The following CPT1A variants were observed in gnomAD, a reference collection of about 807,000 sequenced individuals.
The protein encoded by CPT1A is carnitine O-palmitoyltransferase 1, liver isoform.
A neutral mutation model predicts 100.8 loss-of-function variants in CPT1A; 64 were observed. The observed-to-expected ratio is 0.63, with a 90% CI of 0.52 to 0.78. CPT1A has a LOEUF of 0.78. Among genes scored for constraint, CPT1A ranks in the 30% least tolerant of loss-of-function variants. The probability of loss-of-function intolerance (pLI) is 0.00; values close to 1 mark genes in which losing one functional copy is unlikely to be tolerated. For synonymous variants in CPT1A, 363 were observed against 396.0 expected (o/e 0.92, Z 0.99); for missense variants, 802 against 1,034.1 (o/e 0.78, Z 3.08).
intron 9 of CPT1A, among the ~76,000 whole-genome samples, chr11:68,790,333 T>C (rs1489581912): frequency 6.6e-6 from 1 of 151,962 alleles, no homozygotes; most frequent in Non-Finnish European, 1.5e-5. Flanking sequence ...AGCCTCCCAA[T>C]GTGCTGGGAT....
intron 7 of CPT1A, 76 bp from the exon 8 acceptor site, chr11:68,794,987 A>G (rs1855719886): frequency 5.5e-6 from 6 of 1,082,498 alleles, no homozygotes; most frequent in South Asian, 1.3e-5. Context: ...CACATCCTGC[A>G]CACTGTCACA....
At chr11:68,810,256 C>T (rs947171554) in intron 3 of CPT1A, among the ~76,000 whole-genome samples, 1 of 152,216 alleles carries the variant, frequency 6.6e-6, no homozygotes, top group South Asian at 2.1e-4. Flanking sequence ...ACACAAGGCT[C>T]GGAGGCAGCT....
chr11:68,819,228 G>C (rs1282048166), intron 1 of CPT1A, among the ~76,000 whole-genome samples: 1 of 152,128 alleles, frequency 6.6e-6, no homozygotes, highest in Non-Finnish European at 1.5e-5. Flanking sequence ...ACAAGTGCCT[G>C]CCACCACGCC....
chr11:68,762,589 G>C (rs1854658063), intron 15 of CPT1A, 38 bp downstream of exon 15: 1 of 1,610,910 alleles, frequency 6.2e-7, no homozygotes, highest in Admixed American at 1.7e-5. Context: ...AGGGAAGTGT[G>C]ACAAGCACGT....
At chr11:68,816,199 A>T (rs1379101291) in intron 1 of CPT1A, among the ~76,000 whole-genome samples, 1 of 151,650 alleles carries the variant, frequency 6.6e-6, no homozygotes, top group Non-Finnish European at 1.5e-5. Context: ...CGACAGCCCT[A>T]GACTCTGAAC....
chr11:68,782,356 C>T (rs1024482418), intron 10 of CPT1A, among the ~76,000 whole-genome samples: 2 of 152,174 alleles, frequency 1.3e-5, no homozygotes, highest in African/African-American at 4.8e-5. Context: ...CGTAAGAGTG[C>T]GTCCCTCATG....
At chr11:68,824,819 T>C (rs1856680060) in intron 1 of CPT1A, among the ~76,000 whole-genome samples, 1 of 126,386 alleles carries the variant, frequency 7.9e-6, no homozygotes, top group Non-Finnish European at 1.6e-5. Flanking sequence ...TTTTTGAGAC[T>C]GTTGAGTCTT....
At position 68,757,278 on chromosome 11, in the gene CPT1A, G is replaced by T; in HGVS notation, c.*366C>A. 1 of 1,152,142 alleles carries T rather than the reference G, an allele frequency of 8.7e-7. No individual in the cohort carries two copies. The highest frequency in any genetic ancestry group is 1.1e-6 in the Non-Finnish European group (1 of 927,932). 71.4% of individuals were successfully genotyped at this position (1,152,142 alleles called of 1,614,324 possible). A position where few individuals can be genotyped will look rare whatever the true frequency, so the allele number is the denominator to read the frequency against. ...TGATGCTAAATGCCCTTAAGCACTAGGCCTTCGGTTGCCACTGAGAAAGCA... is the reference window on the plus strand; with the variant it reads ...TGATGCTAAATGCCCTTAAGCACTATGCCTTCGGTTGCCACTGAGAAAGCA... On this transcript the variant is annotated 3_prime_UTR_variant, in exon 19 of 19. Coordinates refer to ENST00000265641, the MANE Select transcript of CPT1A (RefSeq NM_001876.4).
chr11:68,840,619 T>C (rs984010380), intron 1 of CPT1A, among the ~76,000 whole-genome samples: 1 of 152,192 alleles, frequency 6.6e-6, no homozygotes, highest in Non-Finnish European at 1.5e-5. Context: ...TGGTAGGTAG[T>C]TGGGATTTTT....
Position 68,807,476 on chromosome 11 carries a change from C to T in CPT1A, c.444G>A (p.Lys148=). ...AGGGACACGCAATTACCATCCAGAT[C>T]TTGGTGGCACGACTCATCTTGCCGT... is the stretch of plus-strand genomic sequence containing the variant. The part of the protein sequence containing the change: ...TEHGKMSRAT[K]IWMGMVKIFS... The change falls in exon 4 of 19, where the codon AAG becomes AAA. Residue 148 remains lysine, a synonymous_variant. Transcript: ENST00000265641. The T allele has an allele frequency of 6.2e-7, 1 of 1,614,058 alleles. No individual in the cohort carries two copies. The highest frequency in any genetic ancestry group is 8.5e-7 in the Non-Finnish European group (1 of 1,179,986).
At chr11:68,774,662 A>T (rs1855092931) in intron 13 of CPT1A, among the ~76,000 whole-genome samples, 1 of 151,144 alleles carries the variant, frequency 6.6e-6, no homozygotes, top group African/African-American at 2.4e-5. Flanking sequence ...GGCACCTGTA[A>T]TCCTAGCTAC....
chr11:68,774,091 C>T (rs1285221980), intron 13 of CPT1A, among the ~76,000 whole-genome samples: 1 of 152,244 alleles, frequency 6.6e-6, no homozygotes, highest in African/African-American at 2.4e-5. Context: ...TATAAAACCT[C>T]AAGTCAAGAG....
intron 9 of CPT1A, among the ~76,000 whole-genome samples, chr11:68,788,124 C>T (rs540916236): frequency 2.6e-5 from 4 of 152,124 alleles, no homozygotes; most frequent in African/African-American, 7.2e-5. Flanking sequence ...TTGCTTAAGC[C>T]GTGCAGTCTG....
intron 1 of CPT1A, among the ~76,000 whole-genome samples, chr11:68,838,045 C>T (rs1857053776): frequency 6.6e-6 from 1 of 152,058 alleles, no homozygotes; most frequent in Admixed American, 6.6e-5. Context: ...AAACCACCCG[C>T]ATCAGGAGTA....
intron 6 of CPT1A, among the ~76,000 whole-genome samples, chr11:68,798,917 TTTGGGAGGCCGAG>T (rs1855827079): frequency 6.6e-6 from 1 of 152,112 alleles, no homozygotes; most frequent in Non-Finnish European, 1.5e-5. Context: ...ATCCCAGCAC[TTTGGGAGGCCGAG>T]GTGGGAGGAT....
chr11:68,785,610 T>TA (rs11376032), intron 9 of CPT1A: 105,870 of 122,280 alleles, frequency 0.87, 46,432 homozygotes, highest in Non-Finnish European at 0.93. Flanking sequence ...ATATTATCAT[T>TA]AAAAAAAAAA....
chr11:68,821,152 TTTTA>T (rs1165278163), intron 1 of CPT1A, among the ~76,000 whole-genome samples: 1 of 152,018 alleles, frequency 6.6e-6, no homozygotes, highest in Non-Finnish European at 1.5e-5. Context: ...TGTATTTTTA[TTTTA>T]TTTATTTATT....
At chr11:68,767,223 T>C (rs567415388) in intron 14 of CPT1A, among the ~76,000 whole-genome samples, 2 of 152,380 alleles carry the variant, frequency 1.3e-5, no homozygotes, top group Admixed American at 6.5e-5. Flanking sequence ...GTTTGGCCTA[T>C]GAGCCACAGT....
intron 9 of CPT1A, among the ~76,000 whole-genome samples, chr11:68,787,772 T>G (rs1455900792): frequency 6.6e-6 from 1 of 151,736 alleles, no homozygotes; most frequent in Non-Finnish European, 1.5e-5. Flanking sequence ...TGAAAACTCG[T>G]CTCTACTAAA....
Sources: allele counts gnomAD v4.1 joint callset (sites outside exome capture counted in the v4.1 genomes callset), GRCh38; gene constraint gnomAD v4.1.1; transcripts MANE v1.5; gene names NCBI Gene and HGNC (gene_info 2026-07-23, HGNC 2026-07-21).